COL18A1: variants seen among roughly 807,000 people sequenced by gnomAD.
COL18A1 encodes collagen type XVIII alpha 1 chain, also known as collagen alpha-1(XVIII) chain.
Under a neutral mutation model 168.0 loss-of-function variants are expected in COL18A1, and 133 were observed. That is an observed-to-expected ratio of 0.79 (90% CI 0.69 to 0.91). COL18A1 has a LOEUF of 0.91. Ranked by LOEUF, COL18A1 falls within the 40% of genes least tolerant of loss-of-function variation. The probability of loss-of-function intolerance (pLI) is 0.00; values close to 1 mark genes in which losing one functional copy is unlikely to be tolerated. For synonymous variants in COL18A1, 949 were observed against 809.0 expected (o/e 1.17, Z -2.94); for missense variants, 2,126 against 1,925.4 (o/e 1.10, Z -1.95).
At chr21:45,448,365 T>C (rs1013029122) in intron 2 of COL18A1, among the ~76,000 whole-genome samples, 26 of 152,202 alleles carry the variant, frequency 1.7e-4, no homozygotes, top group Non-Finnish European at 4.4e-5. Flanking sequence ...TCCACATGCG[T>C]ACATATCCGC....
intron 2 of COL18A1, among the ~76,000 whole-genome samples, chr21:45,450,947 G>A (rs116436498): frequency 0.012 from 1,844 of 152,326 alleles, 28 homozygotes; most frequent in African/African-American, 0.041. Context: ...CAGCACCCCC[G>A]GGTCCACCAA....
intron 2 of COL18A1, among the ~76,000 whole-genome samples, chr21:45,442,522 C>T (rs528471328): frequency 9.8e-5 from 15 of 152,370 alleles, no homozygotes; most frequent in African/African-American, 2.9e-4. Context: ...TCTCTGTCGC[C>T]GGGTAGTAGC....
chr21:45,467,380 C>T (rs1047177616), intron 2 of COL18A1: 4 of 985,346 alleles, frequency 4.1e-6, no homozygotes, highest in East Asian at 1.1e-4. Flanking sequence ...GGCATTTGCA[C>T]GGAGCAGCGG....
intron 21 of COL18A1, 119 bp from the exon 22 acceptor site, chr21:45,491,106 C>G (rs1265508473): frequency 2.1e-6 from 2 of 945,868 alleles, no homozygotes; most frequent in East Asian, 2.5e-5. Context: ...CAGTCCACAG[C>G]CCCGGGCGCC....
At chr21:45,462,033 A>G (rs984289037) in intron 2 of COL18A1, among the ~76,000 whole-genome samples, 1 of 152,110 alleles carries the variant, frequency 6.6e-6, no homozygotes, top group African/African-American at 2.4e-5. Flanking sequence ...GTTTTACTGG[A>G]TATAGGACTC....
At chr21:45,462,372 T>A (rs1311970573) in intron 2 of COL18A1, among the ~76,000 whole-genome samples, 1 of 152,220 alleles carries the variant, frequency 6.6e-6, no homozygotes, top group African/African-American at 2.4e-5. Context: ...TTTTCTCTTC[T>A]GTTTGCAGCT....
chr21:45,510,090 CCT>C lies in COL18A1; in HGVS notation c.3523_3524del (p.Leu1175ValfsTer72), dbSNP rs398122391. Reference sequence around the variant, plus strand: ...TCCACCTGGTTGCGCTCAACAGCCCCCTGTCAGGCGGCATGCGGGGCATCCGC... The same window carrying C: ...TCCACCTGGTTGCGCTCAACAGCCCCGTCAGGCGGCATGCGGGGCATCCGC... ...VLHLVALNSP[L>X]SGGMRGIRGA... On this transcript the variant is annotated frameshift_variant, in exon 40 of 42. Transcript: ENST00000651438. LOFTEE classifies it high-confidence loss of function. The C allele has an allele frequency of 3.1e-4, 487 of 1,585,422 alleles. No homozygotes were observed. The highest frequency in any genetic ancestry group is 3.3e-4 in the Admixed American group (19 of 57,396).
intron 2 of COL18A1, among the ~76,000 whole-genome samples, chr21:45,446,684 A>T (rs1323651414): frequency 2.0e-5 from 3 of 152,246 alleles, no homozygotes; most frequent in African/African-American, 7.2e-5. Context: ...CCATAATCAG[A>T]CAAAGACATT....
intron 2 of COL18A1, among the ~76,000 whole-genome samples, chr21:45,450,367 G>T (rs1391578988): frequency 2.6e-4 from 40 of 152,190 alleles, no homozygotes; most frequent in Admixed American, 2.6e-3. Context: ...GACCCGCGGA[G>T]AGGCAGCCCA....
intron 2 of COL18A1, among the ~76,000 whole-genome samples, chr21:45,412,316 A>G (rs993142382): frequency 2.0e-5 from 3 of 148,476 alleles, no homozygotes; most frequent in Non-Finnish European, 3.0e-5. Context: ...GGCGCCCTGC[A>G]ACCTCCATCT....
intron 33 of COL18A1, 66 bp from the exon 34 acceptor site, chr21:45,504,350 G>A (rs2037052331): frequency 8.5e-6 from 13 of 1,533,584 alleles, no homozygotes; most frequent in Non-Finnish European, 1.2e-5. Flanking sequence ...GGCTCGGGGG[G>A]ATGGGAGGCC....
intron 2 of COL18A1, among the ~76,000 whole-genome samples, chr21:45,465,355 G>A (rs889230411): frequency 8.5e-5 from 13 of 152,196 alleles, no homozygotes; most frequent in Non-Finnish European, 1.3e-4. Context: ...GGGGACAGGG[G>A]CCCGTTTCTT....
chr21:45,410,353 G>A (rs578236667), intron 2 of COL18A1, among the ~76,000 whole-genome samples: 19 of 152,322 alleles, frequency 1.2e-4, no homozygotes, highest in African/African-American at 4.1e-4. Context: ...TCACCACGCC[G>A]GCTTCCAGAA....
At chr21:45,464,174 T>C (rs1262523077) in intron 2 of COL18A1, among the ~76,000 whole-genome samples, 1 of 151,956 alleles carries the variant, frequency 6.6e-6, no homozygotes, top group Non-Finnish European at 1.5e-5. Context: ...AGTAGCACAG[T>C]GCCCAGGCAC....
At chr21:45,511,268 C>A in intron 41 of COL18A1, 42 bp downstream of exon 41, 1 of 1,151,390 alleles carries the variant, frequency 8.7e-7, no homozygotes, top group Non-Finnish European at 1.3e-6. Flanking sequence ...AGAGCCCCAG[C>A]CAGGGAAGGC....
chr21:45,439,151 C>CG (rs2034298836), intron 2 of COL18A1, among the ~76,000 whole-genome samples: 1 of 152,268 alleles, frequency 6.6e-6, no homozygotes, highest in African/African-American at 2.4e-5. Flanking sequence ...TTCGAGAAAA[C>CG]CTATCTGTTG....
chr21:45,410,728 A>G (rs1602327795), intron 2 of COL18A1, among the ~76,000 whole-genome samples: 2 of 152,184 alleles, frequency 1.3e-5, no homozygotes, highest in African/African-American at 4.8e-5. Flanking sequence ...TCTGCAGAGA[A>G]CCTGCCAGCA....
intron 9 of COL18A1, 91 bp from the exon 10 acceptor site, chr21:45,479,811 C>T (rs905328048): frequency 3.2e-5 from 50 of 1,561,094 alleles, no homozygotes; most frequent in African/African-American, 4.1e-5. Context: ...AGCTCCCGTC[C>T]GTCCCCTGCT....
At chr21:45,438,573 C>A (rs970224615) in intron 2 of COL18A1, among the ~76,000 whole-genome samples, 2 of 152,222 alleles carry the variant, frequency 1.3e-5, no homozygotes, top group Non-Finnish European at 1.5e-5. Context: ...GGCTACTCTG[C>A]AGGGCTGGTG....
Sources: allele counts gnomAD v4.1 joint callset (sites outside exome capture counted in the v4.1 genomes callset), GRCh38; gene constraint gnomAD v4.1.1; transcripts MANE v1.5; gene names NCBI Gene and HGNC (gene_info 2026-07-23, HGNC 2026-07-21).